Variants in NARF observed in about 807,000 individuals in gnomAD.
The protein encoded by NARF is iron-only hydrogenase-like protein 2.
NARF carries 41 observed loss-of-function variants against 48.0 expected under a neutral mutation model. The observed-to-expected ratio is 0.85, with a 90% CI of 0.66 to 1.11. The LOEUF is 1.11. Among genes scored for constraint, NARF ranks in the 50% least tolerant of loss-of-function variants. The pLI is 0.00. For missense variants in NARF, 613 were observed against 590.2 expected (o/e 1.04, Z -0.40); for synonymous variants, 215 against 225.5 (o/e 0.95, Z 0.42).
chr17:82,475,578 CA>C (rs2043814373), intron 5 of NARF, among the ~76,000 whole-genome samples: 2 of 152,224 alleles, frequency 1.3e-5, no homozygotes, highest in South Asian at 4.1e-4. Context: ...GCCTGGGTAA[CA>C]GAGCAACCCT....
rs553840872 is a variant in NARF, at chr17:82,480,363, G to A, written c.640-719G>A. 5.0e-5 allele frequency: 20 copies of A among 401,508 alleles called. No individual in the cohort carries two copies. In the East Asian group the frequency reaches 6.4e-4, roughly 13 times the overall value. The allele number at this position is 401,508 out of a possible 1,614,324, so 24.9% of individuals were successfully genotyped here. ...CATGCTGGACCAGCAACAGCTCCACGCCGGCTGGACTTCCTCTTACTTGTT... is the reference window on the plus strand; with the variant it reads ...CATGCTGGACCAGCAACAGCTCCACACCGGCTGGACTTCCTCTTACTTGTT... On this transcript the variant is annotated intron_variant, in intron 6 of 10. Transcript: ENST00000309794.
At chr17:82,478,021 G>A (rs1354025586) in intron 5 of NARF, 3 of 152,584 alleles carry the variant, frequency 2.0e-5, no homozygotes, top group Non-Finnish European at 4.4e-5. Flanking sequence ...TTGAGGGCAG[G>A]TTGCGTGGCT....
Position 82,488,194 on chromosome 17 carries a change from G to C in NARF, c.*37G>C. ...GGCCTTCCAGCTGCTCTTGGGGCCAGAGCCAAGAGCCTCTCAGTAGAGGGA... is the reference window on the plus strand; with the variant it reads ...GGCCTTCCAGCTGCTCTTGGGGCCACAGCCAAGAGCCTCTCAGTAGAGGGA... On this transcript the variant is annotated 3_prime_UTR_variant, in exon 11 of 11. Transcript: ENST00000309794. 1.2e-6 allele frequency: 2 copies of C among 1,601,438 alleles called. No individual in the cohort carries two copies. The highest frequency in any genetic ancestry group is 1.7e-6 in the Non-Finnish European group (2 of 1,172,086).
chr17:82,480,034 C>T, intron 6 of NARF: 1 of 160,410 alleles, frequency 6.2e-6, no homozygotes, highest in East Asian at 1.7e-4. Flanking sequence ...CGGCCTCCAG[C>T]AGCCTCTCAC....
intron 6 of NARF, 101 bp from the exon 7 acceptor site, chr17:82,480,981 G>A: frequency 7.1e-7 from 1 of 1,409,214 alleles, no homozygotes; most frequent in Non-Finnish European, 9.9e-7. Flanking sequence ...GAGGGCAGCA[G>A]CAGGGGGCAT....
At chr17:82,468,736 A>C (rs1567932869) in intron 3 of NARF, 28 bp from the exon 4 acceptor site, 2 of 1,611,416 alleles carry the variant, frequency 1.2e-6, no homozygotes, top group Middle Eastern at 3.3e-4. Context: ...ATCAGCAGAT[A>C]CCTAACATTC....
chr17:82,487,790 A>C, intron 10 of NARF, 126 bp from the exon 11 acceptor site: 1 of 613,866 alleles, frequency 1.6e-6, no homozygotes, highest in Non-Finnish European at 2.7e-6. Context: ...CTCCCGCCCA[A>C]TCTCTACAAA....
At position 82,489,394 on chromosome 17, in the gene NARF, C is replaced by G; in HGVS notation, c.*1237C>G. 1 of 152,912 alleles carries G rather than the reference C, an allele frequency of 6.5e-6. No homozygotes were observed. The highest frequency in any genetic ancestry group is 2.0e-4 in the South Asian group (1 of 4,940). 9.5% of individuals were successfully genotyped at this position (152,912 alleles called of 1,614,324 possible). On this transcript the variant is annotated 3_prime_UTR_variant, in exon 11 of 11. Transcript: ENST00000309794. ...ATTCAGTCTTTCAGTCGGACTCGCA[C>G]TGGGGCAAGGGTGACAGACACGAGA...
intron 1 of NARF, chr17:82,459,138 T>C: frequency 9.5e-6 from 11 of 1,158,432 alleles, no homozygotes; most frequent in Non-Finnish European, 1.2e-5. Flanking sequence ...ACAGCGGTCG[T>C]GGCGGGAATG....
At chr17:82,459,952 A>G (rs1221364691) in intron 1 of NARF, 40 bp from the exon 2 acceptor site, 2 of 1,480,310 alleles carry the variant, frequency 1.4e-6, no homozygotes, top group South Asian at 2.3e-5. Flanking sequence ...AAGGGAGACG[A>G]AGTAAAAGTT....
chr17:82,475,696 C>G (rs956975420), intron 5 of NARF, among the ~76,000 whole-genome samples: 4 of 152,086 alleles, frequency 2.6e-5, no homozygotes, highest in Admixed American at 2.6e-4. Context: ...GATTTGGTGA[C>G]ACATTTCTCA....
intron 6 of NARF, chr17:82,480,840 G>T: frequency 1.8e-6 from 1 of 541,126 alleles, no homozygotes; most frequent in Non-Finnish European, 3.3e-6. Flanking sequence ...GCTGAGGCAG[G>T]AGAATCGCTT....
chr17:82,460,551 T>A (rs2043411333), intron 2 of NARF: 1 of 153,172 alleles, frequency 6.5e-6, no homozygotes, highest in Non-Finnish European at 1.5e-5. Flanking sequence ...GATCATGAGA[T>A]CAGGAGATTG....
At chr17:82,464,650 G>T (rs980475536) in intron 3 of NARF, among the ~76,000 whole-genome samples, 1 of 152,252 alleles carries the variant, frequency 6.6e-6, no homozygotes, top group Non-Finnish European at 1.5e-5. Context: ...AGGCAGTGGT[G>T]GGGGGCTGGC....
Position 82,489,314 on chromosome 17 carries a change from AC to A in NARF, c.*1159del, listed in dbSNP as rs2143984757. 6.4e-6 allele frequency: 1 copy of A among 155,526 alleles called. No homozygotes were observed. Among genetic ancestry groups the A allele is most frequent in the Non-Finnish European group, 1.4e-5 (1 of 70,036 alleles). 9.6% of individuals were successfully genotyped at this position (155,526 alleles called of 1,614,324 possible). ...TCACAGCCAGTCACCACCCTCCTGG[AC>A]CATACTCAGGGCCCTGGAGGCCTGG... On this transcript the variant is annotated 3_prime_UTR_variant, in exon 11 of 11. Transcript: ENST00000309794.
intron 7 of NARF, 45 bp from the exon 8 acceptor site, chr17:82,483,671 G>A (rs777111308): frequency 2.8e-5 from 45 of 1,594,708 alleles, no homozygotes; most frequent in Non-Finnish European, 3.8e-5. Flanking sequence ...AAAAGTTCCT[G>A]TGGCCACCTG....
chr17:82,489,979 C>T lies in NARF; in HGVS notation c.*1822C>T, dbSNP rs886532086. The T allele has an allele frequency of 2.0e-5, 3 of 152,254 alleles. No individual in the cohort carries two copies. Among genetic ancestry groups the T allele is most frequent in the South Asian group, 2.1e-4 (1 of 4,830 alleles). 9.4% of individuals were successfully genotyped at this position (152,254 alleles called of 1,614,324 possible). A position where few individuals can be genotyped will look rare whatever the true frequency, so the allele number is the denominator to read the frequency against. ...AGTAGCTGGGATTACAGGCGCGCGC[C>T]ACCGCGCCTGGCTAATTGTATTCTT... On this transcript the variant is annotated 3_prime_UTR_variant, in exon 11 of 11. Coordinates refer to ENST00000309794, the MANE Select transcript of NARF (RefSeq NM_012336.4).
intron 6 of NARF, chr17:82,480,593 T>C: frequency 2.4e-6 from 1 of 409,574 alleles, no homozygotes. Context: ...AGCACTTTCA[T>C]CTGTGGGGCC....
In NARF at chr17:82,464,313, T is replaced by TG; in HGVS notation, c.136dup (p.Ala46GlyfsTer12). 1 of 1,613,752 alleles carries TG rather than the reference T, an allele frequency of 6.2e-7. No individual in the cohort carries two copies. Among genetic ancestry groups the TG allele is most frequent in the Non-Finnish European group, 8.5e-7 (1 of 1,179,858 alleles). ...AGGGAGAATTCCACAAGTTGGCTGA[T>TG]GCCAAGATATTTTTGAGCGACTGCC... On this transcript the variant is annotated frameshift_variant, in exon 3 of 11. Transcript: ENST00000309794. LOFTEE classifies it high-confidence loss of function.
Sources: allele counts gnomAD v4.1 joint callset (sites outside exome capture counted in the v4.1 genomes callset), GRCh38; gene constraint gnomAD v4.1.1; transcripts MANE v1.5; gene names NCBI Gene and HGNC (gene_info 2026-07-23, HGNC 2026-07-21).